The following ABCA3 variants were observed in gnomAD, a reference collection of about 807,000 sequenced individuals.
The protein encoded by ABCA3 is ATP binding cassette subfamily A member 3, also known as phospholipid-transporting ATPase ABCA3.
A neutral mutation model predicts 172.8 loss-of-function variants in ABCA3; 88 were observed. The observed-to-expected ratio is 0.51, with a 90% CI of 0.43 to 0.61. The LOEUF (loss-of-function observed/expected upper bound fraction) is 0.61, where lower values mean the gene tolerates loss of function less well. ABCA3 is among the 20% of genes least tolerant of loss of function. The probability of loss-of-function intolerance (pLI) is 0.00; values close to 1 mark genes in which losing one functional copy is unlikely to be tolerated. For synonymous variants in ABCA3, 1,066 were observed against 983.8 expected (o/e 1.08, Z -1.56); for missense variants, 2,164 against 2,301.0 (o/e 0.94, Z 1.22).
chr16:2,337,312 G>A (rs531532344), intron 1 of ABCA3, among the ~76,000 whole-genome samples: 5 of 151,662 alleles, frequency 3.3e-5, no homozygotes, highest in Admixed American at 6.6e-5. Context: ...ATATATATTG[G>A]GCTGCATGTT....
intron 11 of ABCA3, among the ~76,000 whole-genome samples, chr16:2,305,117 T>C (rs1209831737): frequency 6.6e-6 from 1 of 151,562 alleles, no homozygotes; most frequent in Non-Finnish European, 1.5e-5. Flanking sequence ...CCGGCCAGTA[T>C]AAGTCTTTAT....
rs899152792 is a variant in ABCA3, at chr16:2,288,338, G to C, written c.2701-9C>G. The C allele has an allele frequency of 5.2e-6, 8 of 1,544,878 alleles. No homozygotes were observed. The highest frequency in any genetic ancestry group is 4.3e-6 in the Non-Finnish European group (5 of 1,149,756). ...TGGCAGTGCAGGGCGAGCTGCGGCA[G>C]AGGGGACGCAGGTGACACCGGCACC... On this transcript the variant is annotated splice_polypyrimidine_tract_variant and intron_variant, in intron 20 of 32. Coordinates refer to ENST00000301732, the MANE Select transcript of ABCA3 (RefSeq NM_001089.3).
chr16:2,290,516 C>T (rs1347608376), intron 19 of ABCA3, among the ~76,000 whole-genome samples: 2 of 152,192 alleles, frequency 1.3e-5, no homozygotes, highest in African/African-American at 2.4e-5. Context: ...AGACAAGAGG[C>T]CCTGTGGCTG....
chr16:2,320,556 ATT>A (rs879654171), intron 7 of ABCA3, among the ~76,000 whole-genome samples: 2 of 140,266 alleles, frequency 1.4e-5, no homozygotes, highest in Admixed American at 7.1e-5. Flanking sequence ...CGCCCAGCTA[ATT>A]TTTTTTTTTT....
At chr16:2,333,094 G>A (rs966215585) in intron 1 of ABCA3, among the ~76,000 whole-genome samples, 4 of 152,284 alleles carry the variant, frequency 2.6e-5, no homozygotes, top group African/African-American at 9.6e-5. Flanking sequence ...ATAGGTATGA[G>A]CCATGCTGCC....
chr16:2,316,308 C>CA lies in ABCA3; in HGVS notation c.1111+974dup, dbSNP rs1177840434. On this transcript the variant is annotated intron_variant, in intron 10 of 32. Coordinates refer to ENST00000301732, the MANE Select transcript of ABCA3 (RefSeq NM_001089.3). ...TGGGCAACAGAACAAGAGGCAGTCT[C>CA]AAAAAAAAAAAAAAAGAAAAAAGAA... Among the ~76,000 whole-genome samples the CA allele has an allele frequency of 7.8e-3, 292 of 37,254 alleles. 3 individuals carry two copies. The highest frequency in any genetic ancestry group is 0.019 in the African/African-American group (161 of 8,594). The allele number at this position is 37,254 out of a possible 152,430, so 24.4% of individuals were successfully genotyped here. A position where few individuals can be genotyped will look rare whatever the true frequency, so the allele number is the denominator to read the frequency against.
rs766339930 is a variant in ABCA3, at chr16:2,324,470, G to A, written c.381C>T (p.Ser127=). Residue 127 remains serine (S), a synonymous_variant, in exon 6 of 33, where the codon TCC becomes TCT. Coordinates refer to ENST00000301732, the MANE Select transcript of ABCA3 (RefSeq NM_001089.3). ...CGAAGACCACGGCGGCCAGCACGCTGGACGAGCAGTTGTCGTACCTAATGT... is the reference window on the plus strand; with the variant it reads ...CGAAGACCACGGCGGCCAGCACGCTAGACGAGCAGTTGTCGTACCTAATGT... ...EDYIRYDNCS[S]SVLAAVVFEH... is the part of the protein sequence containing the mutation. 12 of 1,610,304 alleles carry A rather than the reference G, an allele frequency of 7.5e-6. No individual in the cohort carries two copies. In the South Asian group the frequency reaches 1.2e-4, roughly 16 times the overall value.
intron 20 of ABCA3, 100 bp downstream of exon 20, chr16:2,289,334 G>A (rs965293622): frequency 1.6e-5 from 23 of 1,441,304 alleles, no homozygotes; most frequent in Non-Finnish European, 1.9e-5. Flanking sequence ...CCCGGACCCT[G>A]TTTGCGCCCT....
intron 8 of ABCA3, 144 bp from the exon 9 acceptor site, chr16:2,317,908 T>C: frequency 1.4e-6 from 1 of 724,580 alleles, no homozygotes; most frequent in Admixed American, 2.2e-5. Context: ...GCCAGGCTCA[T>C]CTTGCTCAAA....
rs1229168469 is a variant in ABCA3, at chr16:2,287,206, C to T, written c.3005-239G>A. Among the ~76,000 whole-genome samples, 1 of 152,176 alleles carries T rather than the reference C, an allele frequency of 6.6e-6. No homozygotes were observed. Among genetic ancestry groups the T allele is most frequent in the Non-Finnish European group, 1.5e-5 (1 of 68,036 alleles). On this transcript the variant is annotated intron_variant, in intron 21 of 32. Transcript: ENST00000301732. This position sits in a 1 kb window ranked among gnomAD's most constrained non-coding sequence, Gnocchi z 4.1. ...GAAAGGAGCTGCAAAATAAGAAAACCTTCCAGTAGGTTCCATTAACCAGAG... is the reference window on the plus strand; with the variant it reads ...GAAAGGAGCTGCAAAATAAGAAAACTTTCCAGTAGGTTCCATTAACCAGAG...
chr16:2,333,115 G>A (rs1029194028), intron 1 of ABCA3, among the ~76,000 whole-genome samples: 1 of 152,188 alleles, frequency 6.6e-6, no homozygotes, highest in Admixed American at 6.5e-5. Context: ...TGGCCCTTAT[G>A]AGCCCTTTCA....
chr16:2,281,283 A>G lies in ABCA3; in HGVS notation c.4165-62T>C. On this transcript the variant is annotated intron_variant, in intron 27 of 32. Coordinates refer to ENST00000301732, the MANE Select transcript of ABCA3 (RefSeq NM_001089.3). The surrounding 1 kb of genome is among the most constrained non-coding windows in gnomAD (Gnocchi z 4.7). ...CCTGGACGCAAAGCAGAGCAGTCTG[A>G]GCCTCAGCGCCGAAAGCTTCCAGGG... 1 of 1,613,120 alleles carries G rather than the reference A, an allele frequency of 6.2e-7. No homozygotes were observed. Among genetic ancestry groups the G allele is most frequent in the Non-Finnish European group, 8.5e-7 (1 of 1,179,834 alleles).
At chr16:2,316,490 CAAAAAAAAA>C (rs71148128) in intron 10 of ABCA3, among the ~76,000 whole-genome samples, 5 of 28,866 alleles carry the variant, frequency 1.7e-4, no homozygotes, top group African/African-American at 4.5e-4. Flanking sequence ...ACTAAAAATG[CAAAAAAAAA>C]AAAAAAAAAA....
At position 2,304,135 on chromosome 16, in the gene ABCA3, CA is replaced by C. The variant is rs2093693870; in HGVS notation, c.1300del (p.Trp434GlyfsTer5). 6.2e-7 allele frequency: 1 copy of C among 1,614,072 alleles called. No individual in the cohort carries two copies. The highest frequency in any genetic ancestry group is 8.5e-7 in the Non-Finnish European group (1 of 1,180,048). On this transcript the variant is annotated frameshift_variant, in exon 12 of 33. Transcript: ENST00000301732. LOFTEE classifies it high-confidence loss of function. ...GTTGACGGGACTCAGGAGGTCTCGCCACTGGATGCCCATGCCTGGAAGACAC... is the reference window on the plus strand; with the variant it reads ...GTTGACGGGACTCAGGAGGTCTCGCCCTGGATGCCCATGCCTGGAAGACAC... ...KFEAKGMGIQWRDLLSPVNVD... is the reference protein window; with the variant it reads ...KFEAKGMGIQXRDLLSPVNVD...
In ABCA3 at chr16:2,278,594, C is replaced by A; in HGVS notation, c.4548-136G>T. 8.1e-7 allele frequency: 1 copy of A among 1,232,976 alleles called. No individual in the cohort carries two copies. The highest frequency in any genetic ancestry group is 1.1e-6 in the Non-Finnish European group (1 of 878,554). The allele number at this position is 1,232,976 out of a possible 1,614,324, so 76.4% of individuals were successfully genotyped here. A position where few individuals can be genotyped will look rare whatever the true frequency, so the allele number is the denominator to read the frequency against. On this transcript the variant is annotated intron_variant, in intron 29 of 32. Coordinates refer to ENST00000301732, the MANE Select transcript of ABCA3 (RefSeq NM_001089.3). This position sits in a 1 kb window ranked among gnomAD's most constrained non-coding sequence, Gnocchi z 4.4. ...AACAGCCCTAGTGAAGAGGAAGGAG[C>A]TGTGTGTGCACCTGGAAAGCCCACC...
In ABCA3 at chr16:2,326,064, C is replaced by A. The variant is rs150902383; in HGVS notation, c.265G>T (p.Ala89Ser). The change falls in exon 5 of 33, where the codon GCT becomes TCT. Residue 89 changes from alanine (A) to serine (S), a missense_variant. Ala to Ser is a moderately conservative substitution (Grantham distance 99). Coordinates refer to ENST00000301732, the MANE Select transcript of ABCA3 (RefSeq NM_001089.3). ...ELAYIPSHSDAAKTVTETVRR... is the reference protein window; with the variant it reads ...ELAYIPSHSDSAKTVTETVRR... ...ACTGTCTCAGTGACGGTCTTGGCAGCGTCACTGTGAGAAGGGATGTAGGCA... is the reference window on the plus strand; with the variant it reads ...ACTGTCTCAGTGACGGTCTTGGCAGAGTCACTGTGAGAAGGGATGTAGGCA... 1.5e-5 allele frequency: 24 copies of A among 1,613,900 alleles called. No homozygotes were observed. Among genetic ancestry groups the A allele is most frequent in the Non-Finnish European group, 2.0e-5 (24 of 1,180,028 alleles).
Position 2,297,531 on chromosome 16 carries a change from T to C in ABCA3, c.2061A>G (p.Ile687Met), listed in dbSNP as rs750356547. 32 of 1,612,196 alleles carry C rather than the reference T, an allele frequency of 2.0e-5. No homozygotes were observed. The Admixed American group carries it at 3.3e-4, about 17-fold the overall frequency. ...CCATGCCCGAGGTGGGCTCGTCCAG[T>C]ATCAGCACCTGGAGGGAGAGACACA... ...IALIAGSKVL[I>M]LDEPTSGMDA... The change falls in exon 17 of 33, where the codon ATA (isoleucine) becomes ATG (methionine). Residue 687 changes from isoleucine to methionine, a missense_variant. By Grantham distance (10) the Ile-to-Met change is conservative. Transcript: ENST00000301732. This position sits in a 1 kb window ranked among gnomAD's most constrained non-coding sequence, Gnocchi z 5.6.
intron 9 of ABCA3, 38 bp from the exon 10 acceptor site, chr16:2,317,441 G>C (rs760894273): frequency 1.9e-5 from 31 of 1,611,198 alleles, no homozygotes; most frequent in Non-Finnish European, 2.6e-5. Context: ...TGGTGGGCCG[G>C]CAGAGGTGGA....
At chr16:2,335,172 G>T (rs550471424) in intron 1 of ABCA3, among the ~76,000 whole-genome samples, 1 of 152,202 alleles carries the variant, frequency 6.6e-6, no homozygotes, top group Admixed American at 6.5e-5. Context: ...CATTTATAGA[G>T]TATGGTCCTC....
Sources: allele counts gnomAD v4.1 joint callset (sites outside exome capture counted in the v4.1 genomes callset), GRCh38; gene constraint gnomAD v4.1.1; non-coding constraint Gnocchi (gnomAD v3.1); transcripts MANE v1.5; gene names NCBI Gene and HGNC (gene_info 2026-07-23, HGNC 2026-07-21).